POU2F1: variants seen among roughly 807,000 people sequenced by gnomAD.
The protein encoded by POU2F1 is POU class 2 homeobox 1, also known as POU domain, class 2, transcription factor 1.
POU2F1 carries 16 observed loss-of-function variants against 84.9 expected under a neutral mutation model. The observed-to-expected ratio is 0.19, with a 90% CI of 0.13 to 0.29. The LOEUF (loss-of-function observed/expected upper bound fraction) is 0.29, where lower values mean the gene tolerates loss of function less well. Among genes scored for constraint, POU2F1 ranks in the 10% least tolerant of loss-of-function variants. The pLI is 1.00. For missense variants in POU2F1, 738 were observed against 942.6 expected, an observed-to-expected ratio of 0.78 and a Z score of 2.84; for synonymous variants, 368 against 368.3, an observed-to-expected ratio of 1.00 and a Z score of 0.01.
At chr1:167,233,981 T>TA (rs1649264794) in intron 1 of POU2F1, among the ~76,000 whole-genome samples, 1 of 152,234 alleles carries the variant, frequency 6.6e-6, no homozygotes, top group Admixed American at 6.5e-5. Context: ...TGTGTATTGT[T>TA]ATCCTATCTT....
In POU2F1 at chr1:167,376,020, A is replaced by G. The variant is rs1449796734; in HGVS notation, c.592-9A>G. Reference sequence around the variant, plus strand: ...ATCTCCAATCCATGTTTTAATTCCAATTTTTCAGGATCTTCAACAACTGCA... The same window carrying G: ...ATCTCCAATCCATGTTTTAATTCCAGTTTTTCAGGATCTTCAACAACTGCA... On this transcript the variant is annotated splice_polypyrimidine_tract_variant and intron_variant, in intron 6 of 15. Coordinates refer to ENST00000367866, the MANE Select transcript of POU2F1 (RefSeq NM_002697.4). 1.2e-6 allele frequency: 2 copies of G among 1,613,832 alleles called. No individual in the cohort carries two copies. Among genetic ancestry groups the G allele is most frequent in the Non-Finnish European group, 8.5e-7 (1 of 1,179,874 alleles).
At position 167,415,964 on chromosome 1, in the gene POU2F1, C is replaced by T. The variant is rs1172431642; in HGVS notation, c.*154C>T. ...GAGAAAAAAAAAAAAAAACCACACA[C>T]ACCCATACACACATACCAGAAAAAG... On this transcript the variant is annotated 3_prime_UTR_variant, in exon 16 of 16. Transcript: ENST00000367866. The T allele has an allele frequency of 5.5e-6, 4 of 727,034 alleles. No homozygotes were observed. The highest frequency in any genetic ancestry group is 3.1e-5 in the Admixed American group (1 of 32,024). 45.0% of individuals were successfully genotyped at this position (727,034 alleles called of 1,614,324 possible).
At chr1:167,390,361 T>C (rs1311903322) in intron 9 of POU2F1, among the ~76,000 whole-genome samples, 1 of 152,222 alleles carries the variant, frequency 6.6e-6, no homozygotes, top group Non-Finnish European at 1.5e-5. Context: ...AAAGATTGTA[T>C]GGAGGATTTT....
At chr1:167,271,577 T>G (rs1652369572) in intron 1 of POU2F1, among the ~76,000 whole-genome samples, 1 of 152,186 alleles carries the variant, frequency 6.6e-6, no homozygotes, top group Admixed American at 6.6e-5. Flanking sequence ...GTGGCTTATT[T>G]TCTGACATGA....
intron 9 of POU2F1, 116 bp downstream of exon 9, chr1:167,389,877 C>A: frequency 8.3e-7 from 1 of 1,201,594 alleles, no homozygotes; most frequent in Non-Finnish European, 1.2e-6. Context: ...ATATTTGGGA[C>A]GGGGGACGAA....
At chr1:167,341,285 A>C (rs1657830378) in intron 2 of POU2F1, among the ~76,000 whole-genome samples, 1 of 152,106 alleles carries the variant, frequency 6.6e-6, no homozygotes, top group Non-Finnish European at 1.5e-5. Context: ...AGGATATTTA[A>C]ATATATTTTA....
In POU2F1 at chr1:167,412,263, A is replaced by T; in HGVS notation, c.1860A>T (p.Gly620=). 6.3e-7 allele frequency: 1 copy of T among 1,579,950 alleles called. No homozygotes were observed. The highest frequency in any genetic ancestry group is 8.6e-7 in the Non-Finnish European group (1 of 1,162,068). Residue 620 remains glycine (G), a synonymous_variant, in exon 14 of 16, where the codon GGA becomes GGT. Transcript: ENST00000367866. ...ASLAAMAAAA[G]LNPSLMAPSQ... ...TTGCTGCCATGGCAGCTGCTGCAGG[A>T]CTAAACCCAAGCCTGATGGCACCCT...
intron 3 of POU2F1, among the ~76,000 whole-genome samples, chr1:167,366,622 A>T (rs907479195): frequency 1.3e-5 from 2 of 152,208 alleles, no homozygotes; most frequent in African/African-American, 4.8e-5. Flanking sequence ...AGTGAGGCCT[A>T]ATGGAACACT....
At chr1:167,308,359 G>A (rs893196491) in intron 1 of POU2F1, among the ~76,000 whole-genome samples, 8 of 151,970 alleles carry the variant, frequency 5.3e-5, no homozygotes, top group East Asian at 1.9e-4. Flanking sequence ...GAGCCACCAC[G>A]CCCAGCCTGT....
chr1:167,333,323 T>G (rs1657206457), intron 2 of POU2F1, among the ~76,000 whole-genome samples: 1 of 152,182 alleles, frequency 6.6e-6, no homozygotes, highest in South Asian at 2.1e-4. Flanking sequence ...TACAGGGACT[T>G]CCCTGGTTTC....
At position 167,227,271 on chromosome 1, in the gene POU2F1, T is replaced by C. The variant is rs188566970; in HGVS notation, c.61+6313T>C. Among the ~76,000 whole-genome samples, 71 of 152,346 alleles carry C rather than the reference T, an allele frequency of 4.7e-4. No individual in the cohort carries two copies. In the East Asian group the frequency reaches 0.011, roughly 24 times the overall value. On this transcript the variant is annotated intron_variant, in intron 1 of 15. Transcript: ENST00000367866. Reference sequence around the variant, plus strand: ...TCACATTATTTATTTCATAATTCTTTGTAACTTTATGCTTTTTATGTTGGA... The same window carrying C: ...TCACATTATTTATTTCATAATTCTTCGTAACTTTATGCTTTTTATGTTGGA...
intron 12 of POU2F1, 76 bp from the exon 13 acceptor site, chr1:167,401,371 CAAAG>C: frequency 1.0e-6 from 1 of 965,776 alleles, no homozygotes; most frequent in South Asian, 1.7e-5. Context: ...ATTCCAAGAT[CAAAG>C]AAAGACTGTA....
chr1:167,410,323 C>G (rs189540976), intron 13 of POU2F1, among the ~76,000 whole-genome samples: 24 of 152,210 alleles, frequency 1.6e-4, no homozygotes, highest in African/African-American at 5.3e-4. Flanking sequence ...CTCTCCCAAC[C>G]CTGTGACATG....
chr1:167,390,519 T>G (rs1648324215), intron 9 of POU2F1, among the ~76,000 whole-genome samples: 1 of 152,166 alleles, frequency 6.6e-6, no homozygotes, highest in Non-Finnish European at 1.5e-5. Context: ...GGGCAGTAGC[T>G]CTAATCTGTA....
At chr1:167,350,709 C>T (rs1658498788) in intron 2 of POU2F1, among the ~76,000 whole-genome samples, 1 of 150,258 alleles carries the variant, frequency 6.7e-6, no homozygotes, top group African/African-American at 2.5e-5. Context: ...AATGTATTAT[C>T]TGTGTTAGGC....
intron 13 of POU2F1, among the ~76,000 whole-genome samples, chr1:167,406,234 A>G (rs1475417371): frequency 6.6e-6 from 1 of 152,254 alleles, no homozygotes; most frequent in Admixed American, 6.5e-5. Context: ...ATAACTGAAC[A>G]TCAATTAATG....
At chr1:167,259,494 G>A (rs1398521037) in intron 1 of POU2F1, among the ~76,000 whole-genome samples, 1 of 152,118 alleles carries the variant, frequency 6.6e-6, no homozygotes, top group Non-Finnish European at 1.5e-5. Flanking sequence ...ACTGTTTCCA[G>A]TTCTTGGCAC....
intron 1 of POU2F1, among the ~76,000 whole-genome samples, chr1:167,227,044 C>T (rs1330925505): frequency 1.3e-5 from 2 of 152,038 alleles, no homozygotes; most frequent in Non-Finnish European, 2.9e-5. Flanking sequence ...CTGTGGCCTC[C>T]CCAAGTGCTG....
rs372028079 is a variant in POU2F1 at position 167,411,951 on chromosome 1, C to A, written c.1556-8C>A. 3.2e-5 allele frequency: 52 copies of A among 1,602,514 alleles called. No individual in the cohort carries two copies. In the African/African-American group the frequency reaches 6.6e-4, roughly 20 times the overall value. On this transcript the variant is annotated splice_region_variant and splice_polypyrimidine_tract_variant and intron_variant, in intron 13 of 15. Coordinates refer to ENST00000367866, the MANE Select transcript of POU2F1 (RefSeq NM_002697.4). ...AAAGGTCATCTTCTAATCTGTTTGT[C>A]TTTTCAGGCACTTCAGACACCACCT...
Sources: allele counts gnomAD v4.1 joint callset (sites outside exome capture counted in the v4.1 genomes callset), GRCh38; gene constraint gnomAD v4.1.1; transcripts MANE v1.5; gene names NCBI Gene and HGNC (gene_info 2026-07-23, HGNC 2026-07-21).